Variants in PDE10A observed in about 807,000 individuals in gnomAD.
The protein encoded by PDE10A is cAMP and cAMP-inhibited cGMP 3',5'-cyclic phosphodiesterase 10A.
A neutral mutation model predicts 97.7 loss-of-function variants in PDE10A; 39 were observed. That is an observed-to-expected ratio of 0.40 (90% CI 0.31 to 0.52). The LOEUF (loss-of-function observed/expected upper bound fraction) is 0.52. Ranked by LOEUF, PDE10A falls within the 20% of genes least tolerant of loss-of-function variation. The probability of loss-of-function intolerance (pLI) is 0.56; values close to 1 mark genes in which losing one functional copy is unlikely to be tolerated. For missense variants in PDE10A, 731 were observed against 1,047.8 expected (o/e 0.70, Z 4.17); for synonymous variants, 371 against 376.8 (o/e 0.98, Z 0.18).
chr6:165,458,153 T>TATAA (rs551900729), intron 3 of PDE10A, among the ~76,000 whole-genome samples: 398 of 152,344 alleles, frequency 2.6e-3, no homozygotes, highest in African/African-American at 9.3e-3. Context: ...ATATTGTTTA[T>TATAA]AATGTTTTAT....
chr6:165,604,842 G>A (rs1000176800), intron 1 of PDE10A, among the ~76,000 whole-genome samples: 1 of 152,196 alleles, frequency 6.6e-6, no homozygotes, highest in African/African-American at 2.4e-5. Context: ...GTCATATGTG[G>A]GTAGTGGAAT....
chr6:165,408,798 T>C (rs1307889578), intron 13 of PDE10A, among the ~76,000 whole-genome samples: 2 of 152,104 alleles, frequency 1.3e-5, no homozygotes, highest in South Asian at 4.1e-4. Flanking sequence ...AAATCTCTTA[T>C]TCCTTTTGAG....
At chr6:165,917,706 T>C (rs1583281947) in intron 1 of PDE10A, among the ~76,000 whole-genome samples, 1 of 152,246 alleles carries the variant, frequency 6.6e-6, no homozygotes, top group African/African-American at 2.4e-5. Context: ...GCTGGGCAAG[T>C]GATGAGTCCG....
chr6:165,945,078 C>T (rs1783722547), intron 1 of PDE10A, among the ~76,000 whole-genome samples: 1 of 152,146 alleles, frequency 6.6e-6, no homozygotes, highest in Admixed American at 6.5e-5. Context: ...CAACAGAACC[C>T]AGAAGAAGTG....
rs757251549 is a variant in PDE10A, at chr6:165,396,518, G to A, written c.2077-59C>T. ...ATTAAAAGAATATTTAAACTGTTTT[G>A]TCACGGAAGTTCAGAATTTGGTATT... is the stretch of plus-strand genomic sequence containing the variant. On this transcript the variant is annotated intron_variant, in intron 13 of 21. Coordinates refer to ENST00000539869, the MANE Select transcript of PDE10A (RefSeq NM_001385079.1). 8 of 1,504,698 alleles carry A rather than the reference G, an allele frequency of 5.3e-6. No individual in the cohort carries two copies. In the Admixed American group the frequency reaches 1.7e-4, roughly 32 times the overall value. The allele number at this position is 1,504,698 out of a possible 1,614,324, so 93.2% of individuals were successfully genotyped here. A position where few individuals can be genotyped will look rare whatever the true frequency, so the allele number is the denominator to read the frequency against.
intron 1 of PDE10A, among the ~76,000 whole-genome samples, chr6:165,913,932 G>A (rs139355513): frequency 5.9e-5 from 9 of 152,274 alleles, no homozygotes; most frequent in South Asian, 2.1e-4. Flanking sequence ...CTGACTTCAC[G>A]CGGCCTCCAC....
At chr6:165,404,479 T>A (rs902836064) in intron 13 of PDE10A, among the ~76,000 whole-genome samples, 1 of 152,096 alleles carries the variant, frequency 6.6e-6, no homozygotes, top group Non-Finnish European at 1.5e-5. Flanking sequence ...CCATATGTAG[T>A]TGTAGTTTCC....
intron 10 of PDE10A, among the ~76,000 whole-genome samples, chr6:165,428,225 G>A (rs767942874): frequency 1.3e-5 from 2 of 152,038 alleles, no homozygotes; most frequent in South Asian, 4.1e-4. Flanking sequence ...CAGTAGCATA[G>A]GGAAATATGC....
In PDE10A at chr6:165,983,445, G is replaced by A. The variant is rs528520802; in HGVS notation, c.-615+4084C>T. On this transcript the variant is annotated intron_variant, in intron 1 of 19. Coordinates refer to the PDE10A transcript ENST00000366882. ...GGAAGGAGGTGAACAGGACCGAAGG[G>A]CTTTAGTTCTCATGTTCAAAGTTCC... Among the ~76,000 whole-genome samples, 7 of 152,222 alleles carry A rather than the reference G, an allele frequency of 4.6e-5. No individual in the cohort carries two copies. In the South Asian group the frequency reaches 1.5e-3, roughly 32 times the overall value.
At chr6:165,735,475 T>C (rs1312059775) in intron 1 of PDE10A, among the ~76,000 whole-genome samples, 1 of 151,988 alleles carries the variant, frequency 6.6e-6, no homozygotes, top group African/African-American at 2.4e-5. Flanking sequence ...GGTAGGTAAG[T>C]AGGAAGATAG....
At chr6:165,343,342 G>A (rs747726078) in intron 19 of PDE10A, 49 bp downstream of exon 19, 36 of 1,247,372 alleles carry the variant, frequency 2.9e-5, no homozygotes, top group African/African-American at 7.4e-5. Flanking sequence ...TGATCCATAC[G>A]TTTTATTTCT....
chr6:165,368,110 C>G (rs532646167), intron 18 of PDE10A, among the ~76,000 whole-genome samples: 17 of 152,280 alleles, frequency 1.1e-4, no homozygotes, highest in African/African-American at 4.1e-4. Context: ...ATTTTCCTGC[C>G]TCAGCCTCCC....
chr6:165,363,818 T>G (rs879322816), intron 18 of PDE10A, among the ~76,000 whole-genome samples: 1 of 152,130 alleles, frequency 6.6e-6, no homozygotes, highest in Non-Finnish European at 1.5e-5. Flanking sequence ...AATTTAACAA[T>G]AGAAGTACAA....
At chr6:165,893,165 C>A (rs149794807) in intron 1 of PDE10A, among the ~76,000 whole-genome samples, 38 of 152,352 alleles carry the variant, frequency 2.5e-4, no homozygotes, top group African/African-American at 8.9e-4. Context: ...ATCCTTCACC[C>A]AGCCTCCTGA....
chr6:165,770,519 A>T (rs949739902), intron 1 of PDE10A, among the ~76,000 whole-genome samples: 5 of 152,132 alleles, frequency 3.3e-5, no homozygotes, highest in Non-Finnish European at 1.5e-5. Flanking sequence ...TCAAGAAGTG[A>T]TGTAAGTTGT....
intron 1 of PDE10A, among the ~76,000 whole-genome samples, chr6:165,884,640 A>T (rs892005972): frequency 6.6e-6 from 1 of 152,218 alleles, no homozygotes; most frequent in African/African-American, 2.4e-5. Flanking sequence ...TAGAAACTTA[A>T]AGTTGATATA....
At position 165,574,678 on chromosome 6, in the gene PDE10A, C is replaced by A. The variant is rs535559096; in HGVS notation, c.866-31110G>T. ...AAATAAGAGTTTTACTTACTAGTCT[C>A]GGCTCAGACTGTACATTAAAAAGCT... is the stretch of plus-strand genomic sequence containing the variant. On this transcript the variant is annotated intron_variant, in intron 1 of 21. Coordinates refer to ENST00000539869, the MANE Select transcript of PDE10A (RefSeq NM_001385079.1). Among the ~76,000 whole-genome samples the A allele has an allele frequency of 3.9e-5, 6 of 152,254 alleles. No individual in the cohort carries two copies. The South Asian group carries it at 1.0e-3, about 26-fold the overall frequency.
chr6:165,543,620 A>C (rs1374654483), intron 1 of PDE10A, 52 bp from the exon 2 acceptor site: 13 of 1,416,446 alleles, frequency 9.2e-6, no homozygotes, highest in Non-Finnish European at 1.2e-5. Flanking sequence ...TCCTCATATC[A>C]ATGAAAGGTA....
At chr6:165,595,105 C>T (rs1786507714) in intron 1 of PDE10A, among the ~76,000 whole-genome samples, 1 of 152,174 alleles carries the variant, frequency 6.6e-6, no homozygotes, top group Non-Finnish European at 1.5e-5. Context: ...GCAATCCCAG[C>T]CATCACTGGG....
Sources: gnomAD v4.1 joint callset for allele counts (sites outside exome capture counted in the v4.1 genomes callset) on GRCh38, gnomAD v4.1.1 for gene constraint, MANE v1.5 for transcripts, NCBI Gene and HGNC (gene_info 2026-07-23, HGNC 2026-07-21) for gene names.